Variants in PLEKHO2 observed in about 807,000 individuals in gnomAD.
PLEKHO2 encodes pleckstrin homology domain-containing family O member 2.
A neutral mutation model predicts 32.7 loss-of-function variants in PLEKHO2; 20 were observed. That is an observed-to-expected ratio of 0.61 (90% CI 0.43 to 0.89). PLEKHO2 has a LOEUF of 0.89. PLEKHO2 is among the 40% of genes least tolerant of loss of function. PLEKHO2 has a pLI of 0.00. For missense variants in PLEKHO2, 568 were observed against 621.2 expected, an observed-to-expected ratio of 0.91 and a Z score of 0.91; for synonymous variants, 247 against 246.3, an observed-to-expected ratio of 1.00 and a Z score of -0.03.
At chr15:64,843,998 T>A (rs2084505126) in intron 1 of PLEKHO2, among the ~76,000 whole-genome samples, 1 of 152,180 alleles carries the variant, frequency 6.6e-6, no homozygotes. Flanking sequence ...GGGGCTTCCT[T>A]TCCCTACTCC....
chr15:64,853,087 C>T (rs917116817), intron 2 of PLEKHO2, among the ~76,000 whole-genome samples: 3 of 149,642 alleles, frequency 2.0e-5, no homozygotes. Context: ...TGCAGTGAGC[C>T]GATATCATGC....
rs1057028338 is a variant in PLEKHO2, at chr15:64,841,973, G to T, written c.-44G>T. 31 of 1,246,574 alleles carry T rather than the reference G, an allele frequency of 2.5e-5. No homozygotes were observed. In the East Asian group the frequency reaches 9.4e-4, roughly 38 times the overall value. The allele number at this position is 1,246,574 out of a possible 1,614,324, so 77.2% of individuals were successfully genotyped here. A position where few individuals can be genotyped will look rare whatever the true frequency, so the allele number is the denominator to read the frequency against. ...GACGCGGTGGCAGAGCCCGCGCGGC[G>T]CTGGAAGCGAGTGGCGGAGCGGCGG... On this transcript the variant is annotated 5_prime_UTR_variant, in exon 1 of 6. Coordinates refer to ENST00000323544, the MANE Select transcript of PLEKHO2 (RefSeq NM_025201.5).
intron 3 of PLEKHO2, among the ~76,000 whole-genome samples, chr15:64,858,464 G>A (rs777542133): frequency 6.6e-6 from 1 of 152,202 alleles, no homozygotes; most frequent in Non-Finnish European, 1.5e-5. Context: ...CAGAGAGTAG[G>A]CAGTGGTCCA....
chr15:64,860,309 C>G (rs2084633023), intron 4 of PLEKHO2, among the ~76,000 whole-genome samples: 1 of 152,274 alleles, frequency 6.6e-6, no homozygotes, highest in Non-Finnish European at 1.5e-5. Flanking sequence ...CAGCTGGAAG[C>G]AGCAGGTGGG....
rs183734056 is a variant in PLEKHO2 at position 64,865,740 on chromosome 15, C to G, written c.1325C>G (p.Thr442Arg). ...GAGCCGGCCCCTGTTAGTGCCGAAA[C>G]ATTGCTCAGCCAGGCTGTGGAGCAG... ...GSEPAPVSAETLLSQAVEQLR... is the reference protein window; with the variant it reads ...GSEPAPVSAERLLSQAVEQLR... The change falls in exon 6 of 6, where the codon ACA becomes AGA. Residue 442 changes from threonine (T) to arginine (R), a missense_variant. Physicochemically the swap from Thr to Arg is moderately conservative, Grantham distance 71 (BLOSUM62 -1). Transcript: ENST00000323544. 21 of 1,614,220 alleles carry G rather than the reference C, an allele frequency of 1.3e-5. No individual in the cohort carries two copies. The East Asian group carries it at 4.2e-4, about 33-fold the overall frequency.
Position 64,864,921 on chromosome 15 carries a change from G to T in PLEKHO2, c.506G>T (p.Gly169Val). The change falls in exon 6 of 6, where the codon GGT becomes GTT. Residue 169 changes from glycine to valine, a missense_variant. Physicochemically the swap from Gly to Val is moderately radical, Grantham distance 109. Transcript: ENST00000323544. ...CAGGTGGCCAGTGCAGCTTCTGACGGTCTTCTGCGCCTGGATCTTGATGTT... is the reference window on the plus strand; with the variant it reads ...CAGGTGGCCAGTGCAGCTTCTGACGTTCTTCTGCGCCTGGATCTTGATGTT... ...LKEVASAASD[G>V]LLRLDLDVPD... 6.2e-7 allele frequency: 1 copy of T among 1,610,854 alleles called. No individual in the cohort carries two copies. The highest frequency in any genetic ancestry group is 8.5e-7 in the Non-Finnish European group (1 of 1,177,784).
rs367751426 is a variant in PLEKHO2 at position 64,842,631 on chromosome 15, G to A, written c.12+603G>A. Among the ~76,000 whole-genome samples the A allele has an allele frequency of 3.5e-4, 53 of 151,930 alleles. 1 individual carries two copies. The highest frequency in any genetic ancestry group is 6.8e-3 in the Middle Eastern group (2 of 294). ...GTATCTTTTCCCCCACTCTCTCCCC[G>A]CTCCACATCCATCTGAGCAGCTAGC... is the stretch of plus-strand genomic sequence containing the variant. On this transcript the variant is annotated intron_variant, in intron 1 of 5. Transcript: ENST00000323544.
At position 64,865,562 on chromosome 15, in the gene PLEKHO2, C is replaced by T. The variant is rs1374599888; in HGVS notation, c.1147C>T (p.Gln383Ter). 1 of 1,614,088 alleles carries T rather than the reference C, an allele frequency of 6.2e-7. No homozygotes were observed. The highest frequency in any genetic ancestry group is 8.5e-7 in the Non-Finnish European group (1 of 1,180,040). The stretch of plus-strand genomic sequence containing the variant: ...ACTGCCCCCCTGGGACCTGCCACCT[C>T]AGTTCCATCCCCGCTGCTCCTCCCT... ...TALPPWDLPP[Q>*]FHPRCSSLGD... The change falls in exon 6 of 6, where the codon CAG becomes TAG. Residue 383 changes from glutamine to a stop codon, truncating the protein, a stop_gained. Transcript: ENST00000323544. LOFTEE classifies it high-confidence loss of function.
rs1424304509 is a variant in PLEKHO2, at chr15:64,865,320, C to T, written c.905C>T (p.Ala302Val). ...CCCTGTTCTGAGACTTCTGAGGCTG[C>T]CCCCAGGGAGGGTGGGAAGCCCCCT... ...QAPCSETSEAAPREGGKPPTP... is the reference protein window; with the variant it reads ...QAPCSETSEAVPREGGKPPTP... Residue 302 changes from alanine to valine, a missense_variant, in exon 6 of 6, where the codon GCC becomes GTC. Ala to Val is a moderately conservative substitution (Grantham distance 64). Transcript: ENST00000323544. The T allele has an allele frequency of 2.5e-6, 4 of 1,613,554 alleles. No individual in the cohort carries two copies. In the African/African-American group the frequency reaches 4.0e-5, roughly 16 times the overall value.
chr15:64,846,351 T>C (rs555544493), intron 1 of PLEKHO2, among the ~76,000 whole-genome samples: 1 of 152,064 alleles, frequency 6.6e-6, no homozygotes, highest in Admixed American at 6.5e-5. Context: ...CTCATCCTGT[T>C]AACCATACAA....
At position 64,842,394 on chromosome 15, in the gene PLEKHO2, G is replaced by C. The variant is rs1415797173; in HGVS notation, c.12+366G>C. ...ATCCTGACTCTCTCTCTCTCTCTGT[G>C]TGTGTGTGTGTGTGTGTGTGTGTGT... On this transcript the variant is annotated intron_variant, in intron 1 of 5. Coordinates refer to ENST00000323544, the MANE Select transcript of PLEKHO2 (RefSeq NM_025201.5). Among the ~76,000 whole-genome samples the C allele has an allele frequency of 1.5e-3, 217 of 148,346 alleles. 2 individuals carry two copies. The highest frequency in any genetic ancestry group is 0.014 in the Middle Eastern group (4 of 286).
chr15:64,847,060 G>C (rs555366076), intron 1 of PLEKHO2, among the ~76,000 whole-genome samples: 2 of 152,346 alleles, frequency 1.3e-5, no homozygotes, highest in African/African-American at 4.8e-5. Flanking sequence ...CTGAGGCTCA[G>C]AGAGGTTAAG....
intron 2 of PLEKHO2, among the ~76,000 whole-genome samples, chr15:64,850,118 C>A (rs1205740029): frequency 6.6e-6 from 1 of 151,998 alleles, no homozygotes; most frequent in Non-Finnish European, 1.5e-5. Context: ...CGAGATCATG[C>A]CATTGCACTC....
intron 1 of PLEKHO2, among the ~76,000 whole-genome samples, chr15:64,848,006 G>A (rs1322700234): frequency 2.0e-5 from 3 of 152,224 alleles, no homozygotes; most frequent in Admixed American, 1.3e-4. Context: ...CCCTTTGTGT[G>A]TTTCCTGTAT....
intron 5 of PLEKHO2, among the ~76,000 whole-genome samples, chr15:64,861,871 A>G (rs189021797): frequency 6.6e-6 from 1 of 152,240 alleles, no homozygotes; most frequent in East Asian, 1.9e-4. Flanking sequence ...TGCCCCTCAG[A>G]GCTCGTCTTC....
At chr15:64,843,067 C>G (rs2084497099) in intron 1 of PLEKHO2, among the ~76,000 whole-genome samples, 1 of 152,180 alleles carries the variant, frequency 6.6e-6, no homozygotes, top group Admixed American at 6.5e-5. Flanking sequence ...CCCTGGCCAG[C>G]TGGGAAGCCC....
chr15:64,863,375 T>C (rs558878281), intron 5 of PLEKHO2, among the ~76,000 whole-genome samples: 2 of 152,144 alleles, frequency 1.3e-5, no homozygotes, highest in South Asian at 2.1e-4. Flanking sequence ...AGCTGAGGGA[T>C]AGGATCCTGC....
chr15:64,854,266 C>T (rs1209705378), intron 2 of PLEKHO2, among the ~76,000 whole-genome samples: 1 of 152,194 alleles, frequency 6.6e-6, no homozygotes, highest in Non-Finnish European at 1.5e-5. Flanking sequence ...CACTGGCCCT[C>T]CTAATGATGA....
chr15:64,853,291 T>TTG (rs1555437064), intron 2 of PLEKHO2, among the ~76,000 whole-genome samples: 1 of 149,098 alleles, frequency 6.7e-6, no homozygotes, highest in African/African-American at 2.5e-5. Context: ...TTTTTTTTTT[T>TTG]TTTGAGACAG....
Sources: gnomAD v4.1 joint callset for allele counts (sites outside exome capture counted in the v4.1 genomes callset) on GRCh38, gnomAD v4.1.1 for gene constraint, MANE v1.5 for transcripts, NCBI Gene and HGNC (gene_info 2026-07-23, HGNC 2026-07-21) for gene names.